Variants in INPP5A observed in about 807,000 individuals in gnomAD.
INPP5A encodes the protein 43 kDa inositol polyphosphate 5-phophatase.
A neutral mutation model predicts 65.2 loss-of-function variants in INPP5A; 14 were observed. That is an observed-to-expected ratio of 0.21 (90% CI 0.14 to 0.34). INPP5A has a LOEUF of 0.34. Among genes scored for constraint, INPP5A ranks in the 10% least tolerant of loss-of-function variants. The pLI is 1.00. For missense variants in INPP5A, 431 were observed against 545.6 expected (o/e 0.79, Z 2.09); for synonymous variants, 207 against 208.3 (o/e 0.99, Z 0.05).
rs531822640 is a variant in INPP5A at position 132,545,551 on chromosome 10, G to A, written c.75+7380G>A. 6.6e-5 allele frequency among the ~76,000 whole-genome samples: 10 copies of A among 152,336 alleles called. No individual in the cohort carries two copies. In the South Asian group the frequency reaches 2.1e-3, roughly 32 times the overall value. ...GGTGTTCCCGCTGTCTCCTGGGCGG[G>A]TCCTTCTGATGTGAGTGCACTCCAG... is the stretch of plus-strand genomic sequence containing the variant. On this transcript the variant is annotated intron_variant, in intron 1 of 15. Coordinates refer to ENST00000368594, the MANE Select transcript of INPP5A (RefSeq NM_005539.5). The surrounding 1 kb of genome is among the most constrained non-coding windows in gnomAD (Gnocchi z 4.6).
At chr10:132,602,069 C>G (rs906093259) in intron 1 of INPP5A, among the ~76,000 whole-genome samples, 4 of 152,198 alleles carry the variant, frequency 2.6e-5, no homozygotes, top group African/African-American at 9.7e-5. Flanking sequence ...GTAGCATCAG[C>G]ATCTTAATAA....
intron 1 of INPP5A, among the ~76,000 whole-genome samples, chr10:132,604,528 G>T (rs2071820233): frequency 6.6e-6 from 1 of 152,228 alleles, no homozygotes; most frequent in Non-Finnish European, 1.5e-5. Flanking sequence ...GGGGAAAGGG[G>T]TGTCTTAATC....
At chr10:132,725,778 G>A (rs536298455) in intron 8 of INPP5A, among the ~76,000 whole-genome samples, 6 of 152,342 alleles carry the variant, frequency 3.9e-5, no homozygotes, top group South Asian at 4.1e-4. Context: ...CAAATGCAGC[G>A]TAGTTGGATG....
chr10:132,778,295 A>T (rs1051120639), intron 13 of INPP5A, among the ~76,000 whole-genome samples: 4 of 140,124 alleles, frequency 2.9e-5, no homozygotes, highest in South Asian at 2.3e-4. Context: ...TTTTTTTTTT[A>T]ATAATAATTT....
At chr10:132,658,450 T>C (rs1590902108) in intron 4 of INPP5A, among the ~76,000 whole-genome samples, 1 of 152,310 alleles carries the variant, frequency 6.6e-6, no homozygotes. Flanking sequence ...GGCTTGACTC[T>C]TTTATTTCCT....
chr10:132,601,896 G>A (rs1257085644), intron 1 of INPP5A, among the ~76,000 whole-genome samples: 2 of 152,200 alleles, frequency 1.3e-5, no homozygotes, highest in Admixed American at 6.5e-5. Flanking sequence ...TCCACATAAG[G>A]AATTGTGAGG....
intron 2 of INPP5A, among the ~76,000 whole-genome samples, chr10:132,613,386 G>A (rs1201869666): frequency 2.0e-5 from 3 of 152,202 alleles, no homozygotes; most frequent in African/African-American, 7.2e-5. Flanking sequence ...CAGAAAGGTG[G>A]GCAGGGCTCT....
At chr10:132,671,856 G>A (rs2072896861) in intron 4 of INPP5A, among the ~76,000 whole-genome samples, 1 of 152,218 alleles carries the variant, frequency 6.6e-6, no homozygotes, top group Non-Finnish European at 1.5e-5. Flanking sequence ...TTTGAACTTG[G>A]TTCTGGCCTC....
At chr10:132,654,932 C>T (rs182236544) in intron 4 of INPP5A, among the ~76,000 whole-genome samples, 4 of 152,200 alleles carry the variant, frequency 2.6e-5, no homozygotes, top group Non-Finnish European at 5.9e-5. Flanking sequence ...AGTTTCCTAC[C>T]GGAGATGATC....
At chr10:132,585,357 C>A (rs1007520416) in intron 1 of INPP5A, among the ~76,000 whole-genome samples, 1 of 152,176 alleles carries the variant, frequency 6.6e-6, no homozygotes, top group East Asian at 1.9e-4. Flanking sequence ...TTTGAGAGAG[C>A]GAGAGAAAGC....
chr10:132,713,070 C>G (rs551121991), intron 8 of INPP5A, among the ~76,000 whole-genome samples: 1 of 149,690 alleles, frequency 6.7e-6, no homozygotes, highest in Non-Finnish European at 1.5e-5. Flanking sequence ...GTGGGGAGAG[C>G]ATATGCACGT....
intron 1 of INPP5A, among the ~76,000 whole-genome samples, chr10:132,584,240 A>G (rs546924161): frequency 6.6e-6 from 1 of 152,260 alleles, no homozygotes; most frequent in South Asian, 2.1e-4. Flanking sequence ...TTAACCACCA[A>G]CCATTTGGAA....
intron 1 of INPP5A, among the ~76,000 whole-genome samples, chr10:132,600,658 T>C (rs2071764120): frequency 6.6e-6 from 1 of 152,194 alleles, no homozygotes; most frequent in Non-Finnish European, 1.5e-5. Flanking sequence ...ATTTTCACAC[T>C]GCCAGTAAAG....
intron 4 of INPP5A, among the ~76,000 whole-genome samples, chr10:132,672,049 G>A (rs770696953): frequency 2.0e-5 from 3 of 152,190 alleles, no homozygotes; most frequent in Non-Finnish European, 4.4e-5. Flanking sequence ...TTCGTTAGAG[G>A]TCAAAATTCA....
At chr10:132,780,989 C>T in intron 14 of INPP5A, 72 bp downstream of exon 14, 1 of 559,718 alleles carries the variant, frequency 1.8e-6, no homozygotes, top group Admixed American at 3.3e-5. Context: ...GGGCTGGGGC[C>T]AGTGGGTGGG....
chr10:132,730,568 C>T (rs553632730), intron 9 of INPP5A, among the ~76,000 whole-genome samples: 20 of 152,342 alleles, frequency 1.3e-4, no homozygotes, highest in African/African-American at 3.1e-4. Flanking sequence ...GTTAAGACAG[C>T]GGGTGTGGGG....
rs2071807904 is a variant in INPP5A at position 132,603,982 on chromosome 10, C to T, written c.76-3933C>T. ...CGTCCCGCCCTGCGCCGTCAGGGTC[C>T]CCTCTCCGTCCCGCCCTGTGCCGTC... On this transcript the variant is annotated intron_variant, in intron 1 of 15. Coordinates refer to ENST00000368594, the MANE Select transcript of INPP5A (RefSeq NM_005539.5). This position sits in a 1 kb window ranked among gnomAD's most constrained non-coding sequence, Gnocchi z 4.2. 6.6e-6 allele frequency among the ~76,000 whole-genome samples: 1 copy of T among 150,738 alleles called. No individual in the cohort carries two copies. Among genetic ancestry groups the T allele is most frequent in the South Asian group, 2.1e-4 (1 of 4,742 alleles).
intron 4 of INPP5A, among the ~76,000 whole-genome samples, chr10:132,681,891 A>G (rs1436365278): frequency 1.3e-5 from 2 of 152,218 alleles, no homozygotes; most frequent in African/African-American, 4.8e-5. Flanking sequence ...GCACTACAAC[A>G]TGGTGGAGGA....
intron 2 of INPP5A, among the ~76,000 whole-genome samples, chr10:132,624,278 G>A (rs2072148025): frequency 6.6e-6 from 1 of 152,250 alleles, no homozygotes; most frequent in African/African-American, 2.4e-5. Context: ...CATGGAAGCG[G>A]GGGAGCTGTG....
Sources: allele counts gnomAD v4.1 joint callset (sites outside exome capture counted in the v4.1 genomes callset), GRCh38; gene constraint gnomAD v4.1.1; non-coding constraint Gnocchi (gnomAD v3.1); transcripts MANE v1.5; gene names NCBI Gene and HGNC (gene_info 2026-07-23, HGNC 2026-07-21).